NFIA: variants seen among roughly 807,000 people sequenced by gnomAD.
NFIA encodes the protein nuclear factor I A.
Under a neutral mutation model 62.8 loss-of-function variants are expected in NFIA, and 8 were observed. The ratio of observed to expected loss-of-function variants is 0.13; its 90% CI spans 0.07 to 0.23. NFIA has a LOEUF of 0.23. Ranked by LOEUF, NFIA falls within the 10% of genes least tolerant of loss-of-function variation. The probability of loss-of-function intolerance (pLI) is 1.00; values close to 1 mark genes in which losing one functional copy is unlikely to be tolerated. For missense variants in NFIA, 410 were observed against 642.1 expected (o/e 0.64, Z 3.91); for synonymous variants, 235 against 238.1 (o/e 0.99, Z 0.12).
intron 4 of NFIA, among the ~76,000 whole-genome samples, chr1:61,350,939 G>A (rs935987212): frequency 2.6e-5 from 4 of 152,124 alleles, no homozygotes; most frequent in Admixed American, 6.5e-5. Flanking sequence ...CTTCAATTTA[G>A]GAATGCAGAT....
intron 1 of NFIA, among the ~76,000 whole-genome samples, chr1:61,086,760 GA>G (rs750791260): frequency 4.3e-4 from 66 of 152,066 alleles, no homozygotes; most frequent in Admixed American, 2.6e-4. Context: ...GTTCACATTT[GA>G]ACATTTAAAA....
chr1:61,293,200 T>G (rs1350071782), intron 3 of NFIA, among the ~76,000 whole-genome samples: 1 of 152,250 alleles, frequency 6.6e-6, no homozygotes, highest in Admixed American at 6.5e-5. Context: ...CTCCTTGTTC[T>G]TCTTTAGTTT....
chr1:61,263,905 G>T (rs546540078), intron 2 of NFIA, among the ~76,000 whole-genome samples: 2 of 152,006 alleles, frequency 1.3e-5, no homozygotes, highest in Non-Finnish European at 2.9e-5. Flanking sequence ...CAGGAGAATC[G>T]CTTGAACCCG....
intron 4 of NFIA, among the ~76,000 whole-genome samples, chr1:61,342,274 A>G (rs1661964163): frequency 6.6e-6 from 1 of 152,102 alleles, no homozygotes; most frequent in Admixed American, 6.6e-5. Flanking sequence ...CTAATAGCTA[A>G]TGGTCAAGTA....
chr1:61,091,213 A>G (rs1251584599), intron 2 of NFIA, among the ~76,000 whole-genome samples: 2 of 152,136 alleles, frequency 1.3e-5, no homozygotes, highest in African/African-American at 4.8e-5. Flanking sequence ...ATGGTCATAG[A>G]AATTAGATCT....
Position 61,088,884 on chromosome 1 carries a change from CT to C in NFIA, c.559+208del, listed in dbSNP as rs1231340851. The stretch of plus-strand genomic sequence containing the variant: ...GAGCGAATTCTCACTAAGTTCAGCT[CT>C]TTTGGTAAGTAGTGTTTTCAGAGGC... On this transcript the variant is annotated intron_variant, in intron 2 of 10. Transcript: ENST00000403491. The surrounding 1 kb of genome is among the most constrained non-coding windows in gnomAD (Gnocchi z 4.5). Among the ~76,000 whole-genome samples the C allele has an allele frequency of 6.6e-6, 1 of 152,146 alleles. No individual in the cohort carries two copies. The highest frequency in any genetic ancestry group is 1.5e-5 in the Non-Finnish European group (1 of 68,032).
intron 2 of NFIA, among the ~76,000 whole-genome samples, chr1:61,089,980 G>C (rs559338246): frequency 6.6e-6 from 1 of 152,206 alleles, no homozygotes; most frequent in African/African-American, 2.4e-5. Flanking sequence ...TGAGCTGTAA[G>C]TGTTTCAAAT....
At chr1:61,454,878 C>T (rs1668231033) in intron 10 of NFIA, among the ~76,000 whole-genome samples, 1 of 152,188 alleles carries the variant, frequency 6.6e-6, no homozygotes, top group Admixed American at 6.5e-5. Flanking sequence ...TGAAACCCCT[C>T]CCTTTACCCA....
chr1:61,202,931 T>C (rs1339290424), intron 2 of NFIA, among the ~76,000 whole-genome samples: 1 of 152,230 alleles, frequency 6.6e-6, no homozygotes, highest in Admixed American at 6.5e-5. Flanking sequence ...CTGAAAATCA[T>C]GGAAACTGCA....
intron 5 of NFIA, among the ~76,000 whole-genome samples, chr1:61,354,191 T>G (rs916553087): frequency 6.6e-6 from 1 of 152,216 alleles, no homozygotes; most frequent in Admixed American, 6.5e-5. Flanking sequence ...CGTTCTCATA[T>G]TCTGCAAATA....
chr1:61,433,875 C>G (rs1172344909), intron 10 of NFIA, among the ~76,000 whole-genome samples: 3 of 152,126 alleles, frequency 2.0e-5, no homozygotes, highest in Non-Finnish European at 4.4e-5. Context: ...TTCCACGTGT[C>G]CTATGAAGGA....
In NFIA at chr1:61,450,313, A is replaced by G. The variant is rs1668002846; in HGVS notation, c.1513-4990A>G. ...CCACTGAGAGACCTCATCCATTTCT[A>G]TCATATTGAGATGGGCAGAAGAGAC... is the stretch of plus-strand genomic sequence containing the variant. On this transcript the variant is annotated intron_variant, in intron 10 of 10. Coordinates refer to ENST00000403491, the MANE Select transcript of NFIA (RefSeq NM_001134673.4). 2.6e-5 allele frequency among the ~76,000 whole-genome samples: 4 copies of G among 152,232 alleles called. No individual in the cohort carries two copies. In the South Asian group the frequency reaches 8.3e-4, roughly 32 times the overall value.
At chr1:61,077,999 C>G (rs1570099288), upstream of NFIA, among the ~76,000 whole-genome samples, 1 of 152,112 alleles carries the variant, frequency 6.6e-6, no homozygotes, top group Non-Finnish European at 1.5e-5. Flanking sequence ...AGCAGTCAAC[C>G]TAACCCGAAA....
At chr1:61,276,780 A>G (rs570884965) in intron 2 of NFIA, among the ~76,000 whole-genome samples, 1 of 152,150 alleles carries the variant, frequency 6.6e-6, no homozygotes, top group Non-Finnish European at 1.5e-5. Context: ...AGTTAATCAA[A>G]TTCCTTTTTT....
chr1:61,338,106 C>G (rs1268230920), intron 4 of NFIA, among the ~76,000 whole-genome samples: 4 of 152,202 alleles, frequency 2.6e-5, no homozygotes, highest in African/African-American at 9.7e-5. Flanking sequence ...GTTAAGTAAA[C>G]TTCGTGGCTA....
chr1:61,228,328 G>A (rs1464810115), intron 2 of NFIA, among the ~76,000 whole-genome samples: 1 of 152,160 alleles, frequency 6.6e-6, no homozygotes, highest in Admixed American at 6.5e-5. Flanking sequence ...GCAAGGTGGA[G>A]TTGCACCAGC....
intron 2 of NFIA, among the ~76,000 whole-genome samples, chr1:61,225,028 A>G (rs928747276): frequency 6.6e-6 from 1 of 152,174 alleles, no homozygotes; most frequent in Admixed American, 6.5e-5. Flanking sequence ...AACAGACTTT[A>G]AAAATATATT....
chr1:61,174,935 A>G (rs187942763), intron 2 of NFIA, among the ~76,000 whole-genome samples: 29 of 152,276 alleles, frequency 1.9e-4, no homozygotes, highest in Admixed American at 1.6e-3. Context: ...CCTGGCATGC[A>G]GTGAGGAGCA....
intron 1 of NFIA, among the ~76,000 whole-genome samples, chr1:61,086,241 T>C (rs956472602): frequency 1.3e-5 from 2 of 152,094 alleles, no homozygotes; most frequent in African/African-American, 4.8e-5. Flanking sequence ...AATCAGTCAA[T>C]GTGAAGTTCT....
Sources: allele counts gnomAD v4.1 joint callset (sites outside exome capture counted in the v4.1 genomes callset), GRCh38; gene constraint gnomAD v4.1.1; non-coding constraint Gnocchi (gnomAD v3.1); transcripts MANE v1.5; gene names NCBI Gene and HGNC (gene_info 2026-07-23, HGNC 2026-07-21).